EHBP1: variants seen among roughly 807,000 people sequenced by gnomAD.
The protein encoded by EHBP1 is EH domain binding protein 1.
EHBP1 carries 55 observed loss-of-function variants against 144.0 expected under a neutral mutation model. The observed-to-expected ratio is 0.38, with a 90% CI of 0.31 to 0.48. The LOEUF is 0.48. EHBP1 is among the 20% of genes least tolerant of loss of function. The pLI, the probability that EHBP1 is intolerant of heterozygous loss-of-function variation, is 0.98. For synonymous variants in EHBP1, 469 were observed against 472.7 expected, an observed-to-expected ratio of 0.99 and a Z score of 0.10; for missense variants, 1,200 against 1,364.2, an observed-to-expected ratio of 0.88 and a Z score of 1.90.
chr2:62,993,466 A>ACT (rs1445984319), intron 16 of EHBP1, 64 bp from the exon 17 acceptor site: 1 of 1,344,472 alleles, frequency 7.4e-7, no homozygotes, highest in Non-Finnish European at 9.8e-7. Context: ...AAATTGCCTT[A>ACT]CTAATGTGTA....
intron 15 of EHBP1, among the ~76,000 whole-genome samples, chr2:62,985,500 A>T (rs1212008248): frequency 6.6e-6 from 1 of 152,192 alleles, no homozygotes; most frequent in African/African-American, 2.4e-5. Context: ...CACAGTACTG[A>T]TCATGTTGAC....
At chr2:62,815,224 G>A (rs1037347277) in intron 5 of EHBP1, among the ~76,000 whole-genome samples, 4 of 152,144 alleles carry the variant, frequency 2.6e-5, no homozygotes, top group Non-Finnish European at 5.9e-5. Flanking sequence ...ATAAAGCTAA[G>A]ACCCCAGATT....
At chr2:62,826,878 G>T (rs2046378944) in intron 6 of EHBP1, among the ~76,000 whole-genome samples, 1 of 152,126 alleles carries the variant, frequency 6.6e-6, no homozygotes, top group South Asian at 2.1e-4. Context: ...TACCTACAAA[G>T]CGGGGAAAAA....
intron 7 of EHBP1, among the ~76,000 whole-genome samples, chr2:62,845,694 A>G (rs1323613205): frequency 1.3e-5 from 2 of 151,408 alleles, no homozygotes; most frequent in African/African-American, 2.4e-5. Context: ...TATGGGCTCA[A>G]TTAAAAAAAA....
chr2:62,878,773 C>T (rs1294984187), intron 10 of EHBP1, among the ~76,000 whole-genome samples: 1 of 152,054 alleles, frequency 6.6e-6, no homozygotes, highest in African/African-American at 2.4e-5. Context: ...CTTTGGGAGG[C>T]TGAGGTGGGT....
At chr2:62,802,343 G>A (rs1379276797) in intron 5 of EHBP1, among the ~76,000 whole-genome samples, 1 of 152,144 alleles carries the variant, frequency 6.6e-6, no homozygotes, top group African/African-American at 2.4e-5. Context: ...AGAAGCCAGG[G>A]ATGCAGCTAA....
At chr2:62,824,040 G>C (rs1471789080) in intron 5 of EHBP1, among the ~76,000 whole-genome samples, 1 of 151,970 alleles carries the variant, frequency 6.6e-6, no homozygotes, top group Non-Finnish European at 1.5e-5. Context: ...TGATTTACCA[G>C]ATGCTTAAAA....
intron 2 of EHBP1, among the ~76,000 whole-genome samples, chr2:62,719,859 G>A (rs1268510012): frequency 6.6e-6 from 1 of 152,152 alleles, no homozygotes; most frequent in Non-Finnish European, 1.5e-5. Flanking sequence ...GGTATCCTCA[G>A]GAGGTCCTGG....
At position 62,874,670 on chromosome 2, in the gene EHBP1, C is replaced by G. The variant is rs149729643; in HGVS notation, c.1185+138C>G. 6.2e-3 allele frequency: 4,203 copies of G among 673,218 alleles called. 43 individuals are homozygous for G. The highest frequency in any genetic ancestry group is 0.022 in the Middle Eastern group (52 of 2,394). The allele number at this position is 673,218 out of a possible 1,614,324, so 41.7% of individuals were successfully genotyped here. The stretch of plus-strand genomic sequence containing the variant: ...ATATCCAAGACAATCTATTGTACTG[C>G]AACACTGCATTTATGTTTGTGAGCC... On this transcript the variant is annotated intron_variant, in intron 10 of 22. Transcript: ENST00000431489.
intron 3 of EHBP1, among the ~76,000 whole-genome samples, chr2:62,760,432 C>G (rs766534145): frequency 6.6e-6 from 1 of 152,160 alleles, no homozygotes. Context: ...AACTTAGGAA[C>G]TAGCATACTA....
intron 5 of EHBP1, among the ~76,000 whole-genome samples, chr2:62,804,915 A>G (rs1558699614): frequency 6.6e-6 from 1 of 152,106 alleles, no homozygotes; most frequent in Non-Finnish European, 1.5e-5. Context: ...ATGCCTGATG[A>G]CCTGAGGTGG....
At chr2:62,819,796 C>G (rs1308073999) in intron 5 of EHBP1, among the ~76,000 whole-genome samples, 1 of 151,230 alleles carries the variant, frequency 6.6e-6, no homozygotes, top group Non-Finnish European at 1.5e-5. Context: ...CCGCGACAAC[C>G]CATATGTCCA....
In EHBP1 at chr2:62,949,075, A is replaced by T. The variant is rs761346049; in HGVS notation, c.2229A>T (p.Lys743Asn). Residue 743 changes from lysine (K) to asparagine (N), a missense_variant, in exon 13 of 23, where the codon AAA becomes AAT. Lys to Asn is a moderately conservative substitution (Grantham distance 94). Around this residue, in one of 6 missense-constraint regions of EHBP1, gnomAD observed 543 missense variants for 513.1 expected, o/e 1.06. Transcript: ENST00000431489. The part of the protein sequence containing the change: ...YSRDLDLAKK[K>N]HASLRQTESD... ...GAGATCTAGACCTTGCTAAGAAAAA[A>T]CATGCTTCCCTGAGGCAGACGGAGT... 34 of 1,607,882 alleles carry T rather than the reference A, an allele frequency of 2.1e-5. No homozygotes were observed. Among genetic ancestry groups the T allele is most frequent in the Non-Finnish European group, 2.8e-5 (33 of 1,178,646 alleles).
At chr2:62,938,417 G>A (rs928664885) in intron 10 of EHBP1, among the ~76,000 whole-genome samples, 2 of 152,114 alleles carry the variant, frequency 1.3e-5, no homozygotes, top group African/African-American at 4.8e-5. Flanking sequence ...TATAGTTAGA[G>A]GGATAGAGCA....
intron 5 of EHBP1, among the ~76,000 whole-genome samples, chr2:62,788,987 T>C (rs1331753071): frequency 3.3e-5 from 5 of 152,178 alleles, no homozygotes; most frequent in Non-Finnish European, 7.4e-5. Flanking sequence ...GAAAAGCATA[T>C]GTCCTGTGAA....
intron 1 of EHBP1, among the ~76,000 whole-genome samples, chr2:62,682,825 A>G (rs575237646): frequency 6.6e-6 from 1 of 152,342 alleles, no homozygotes; most frequent in African/African-American, 2.4e-5. Context: ...TCAAAGAATA[A>G]GATTAGTAAC....
At chr2:62,999,620 T>C (rs1213563151) in intron 19 of EHBP1, among the ~76,000 whole-genome samples, 1 of 152,232 alleles carries the variant, frequency 6.6e-6, no homozygotes, top group Non-Finnish European at 1.5e-5. Flanking sequence ...ACTTAACATA[T>C]CTTCAAGGTT....
At chr2:62,995,093 T>G (rs1291008951) in intron 18 of EHBP1, among the ~76,000 whole-genome samples, 1 of 152,168 alleles carries the variant, frequency 6.6e-6, no homozygotes, top group African/African-American at 2.4e-5. Context: ...AAATATCCCT[T>G]TTGAAAATGA....
chr2:62,858,258 A>G, intron 7 of EHBP1: 1 of 522,636 alleles, frequency 1.9e-6, no homozygotes, highest in South Asian at 3.2e-5. Flanking sequence ...CATATCTGTT[A>G]TGGGTTCATC....
Sources: allele counts gnomAD v4.1 joint callset (sites outside exome capture counted in the v4.1 genomes callset), GRCh38; gene constraint gnomAD v4.1.1; regional missense constraint gnomAD v4.1.1; transcripts MANE v1.5; gene names NCBI Gene and HGNC (gene_info 2026-07-23, HGNC 2026-07-21).